Variants in CLIC2 observed in about 807,000 individuals in gnomAD.
The protein encoded by CLIC2 is chloride intracellular channel protein 2.
In CLIC2, 9 loss-of-function variants were observed where a neutral mutation model predicts 14.8. The observed-to-expected ratio is 0.61, with a 90% CI of 0.37 to 1.06. The LOEUF (loss-of-function observed/expected upper bound fraction) is 1.06. Among genes scored for constraint, CLIC2 ranks in the 50% least tolerant of loss-of-function variants. The pLI is 0.01. For missense variants in CLIC2, 148 were observed against 181.4 expected, an observed-to-expected ratio of 0.82 and a Z score of 1.06; for synonymous variants, 61 against 66.3, an observed-to-expected ratio of 0.92 and a Z score of 0.39.
At chrX:155,285,645 G>T (rs1316378766) in intron 3 of CLIC2, among the ~76,000 whole-genome samples, 2 of 111,095 alleles carry the variant, frequency 1.8e-5, no homozygotes, top group Non-Finnish European at 3.8e-5. Context: ...TATTAGATCT[G>T]TTGCCTGGAG....
intron 1 of CLIC2, among the ~76,000 whole-genome samples, chrX:155,322,193 C>T (rs145858078): frequency 0.026 from 2,928 of 110,886 alleles, 46 homozygotes; most frequent in South Asian, 0.042. Context: ...AACTCAGCTC[C>T]GGACCAAGCA....
chrX:155,294,063 A>G lies in CLIC2; in HGVS notation c.293+4722T>C, dbSNP rs190628372. 6.3e-3 allele frequency among the ~76,000 whole-genome samples: 710 copies of G among 112,162 alleles called. 3 individuals are homozygous for G. Among genetic ancestry groups the G allele is most frequent in the Non-Finnish European group, 8.7e-3 (461 of 53,158 alleles). On this transcript the variant is annotated intron_variant, in intron 3 of 5. Coordinates refer to ENST00000369449, the MANE Select transcript of CLIC2 (RefSeq NM_001289.6). The stretch of plus-strand genomic sequence containing the variant: ...AACTGGACTTTAGACCAAATGAACC[A>G]AACAGACATTTACAGAACATTCTAT...
At chrX:155,292,934 A>C (rs1215337100) in intron 3 of CLIC2, 5 of 1,072,770 alleles carry the variant, frequency 4.7e-6, no homozygotes, top group Non-Finnish European at 5.2e-6. Flanking sequence ...GGGCGAACAA[A>C]GGTCAGTTCT....
chrX:155,287,731 G>T (rs111901445), intron 3 of CLIC2, among the ~76,000 whole-genome samples: 5,189 of 112,008 alleles, frequency 0.046, 287 homozygotes, highest in African/African-American at 0.16. Flanking sequence ...GGCTATTCGG[G>T]CTCTTTTTTG....
intron 1 of CLIC2, among the ~76,000 whole-genome samples, chrX:155,306,185 T>C (rs2075054793): frequency 8.9e-6 from 1 of 111,855 alleles, no homozygotes; most frequent in African/African-American, 3.3e-5. Flanking sequence ...TGGTAGGAGG[T>C]GATTGGATCC....
At chrX:155,315,625 C>A (rs1455582409) in intron 1 of CLIC2, among the ~76,000 whole-genome samples, 1 of 111,139 alleles carries the variant, frequency 9.0e-6, no homozygotes, top group Admixed American at 9.6e-5. Flanking sequence ...AATTTTGAAA[C>A]AAATCCTTGA....
intron 3 of CLIC2, chrX:155,292,127 A>G: frequency 1.8e-6 from 1 of 567,661 alleles, no homozygotes; most frequent in East Asian, 3.3e-5. Flanking sequence ...ATAAAATTTG[A>G]TAGAGTACAA....
intron 1 of CLIC2, among the ~76,000 whole-genome samples, chrX:155,309,127 A>AT (rs1557320301): frequency 9.0e-6 from 1 of 111,085 alleles, no homozygotes; most frequent in African/African-American, 3.3e-5. Flanking sequence ...AGTAAAAAAA[A>AT]CCCTCTGTCT....
chrX:155,292,029 C>T (rs2074968405), intron 3 of CLIC2: 1 of 531,212 alleles, frequency 1.9e-6, no homozygotes, highest in Non-Finnish European at 3.5e-6. Flanking sequence ...CGGACCCAGG[C>T]ATCCAAAAAG....
rs1450703799 is a variant in CLIC2, at chrX:155,300,932, T to C, written c.58-1787A>G. On this transcript the variant is annotated intron_variant, in intron 1 of 5. Transcript: ENST00000369449. ...TGAGGGCTGTGTTCTGTTCCATTGA[T>C]CTATATCTCTGTTTTGGTACCAGTA... Among the ~76,000 whole-genome samples the C allele has an allele frequency of 2.2e-3, 164 of 73,327 alleles. 4 individuals are homozygous for C. Among genetic ancestry groups the C allele is most frequent in the African/African-American group, 6.6e-3 (159 of 24,181 alleles). 63.7% of individuals were successfully genotyped at this position (73,327 alleles called of 115,157 possible).
chrX:155,321,376 G>C (rs2124211589), intron 1 of CLIC2, among the ~76,000 whole-genome samples: 1 of 112,007 alleles, frequency 8.9e-6, no homozygotes, highest in Non-Finnish European at 1.9e-5. Context: ...TCTGCAGAAA[G>C]CCTACAAGCC....
intron 1 of CLIC2, among the ~76,000 whole-genome samples, chrX:155,333,771 A>C (rs782575983): frequency 2.0e-4 from 22 of 109,606 alleles, no homozygotes; most frequent in Non-Finnish European, 3.0e-4. Context: ...CAAAAAGAAG[A>C]AGCAGAGCAT....
chrX:155,296,612 A>G (rs1309490945), intron 3 of CLIC2, among the ~76,000 whole-genome samples: 2 of 111,554 alleles, frequency 1.8e-5, no homozygotes, highest in Non-Finnish European at 3.8e-5. Context: ...ACAGGGGACT[A>G]ATATCCAGAA....
At chrX:155,291,383 C>T (rs1239278051) in intron 3 of CLIC2, 5 of 619,409 alleles carry the variant, frequency 8.1e-6, no homozygotes, top group African/African-American at 4.4e-5. Context: ...GACGTGGCGG[C>T]GGCCACTAGC....
chrX:155,285,534 C>T (rs1355007324), intron 3 of CLIC2, among the ~76,000 whole-genome samples: 1 of 111,472 alleles, frequency 9.0e-6, no homozygotes, highest in Non-Finnish European at 1.9e-5. Flanking sequence ...ACTTATATAC[C>T]ACTACTTAGA....
chrX:155,323,896 C>A (rs1401629741), intron 1 of CLIC2, among the ~76,000 whole-genome samples: 1 of 111,433 alleles, frequency 9.0e-6, no homozygotes. Context: ...AAATAGAGAG[C>A]CAAATCATGA....
At chrX:155,297,391 T>C (rs782661272) in intron 3 of CLIC2, among the ~76,000 whole-genome samples, 1 of 110,523 alleles carries the variant, frequency 9.0e-6, no homozygotes, top group African/African-American at 3.3e-5. Flanking sequence ...ATAAATTCAA[T>C]GTTTGATAGA....
intron 1 of CLIC2, among the ~76,000 whole-genome samples, chrX:155,301,542 C>A (rs1403820702): frequency 9.9e-6 from 1 of 101,202 alleles, no homozygotes; most frequent in Non-Finnish European, 2.0e-5. Context: ...AATTTGACTT[C>A]CTCTTTTCCT....
chrX:155,304,732 T>C (rs1328717705), intron 1 of CLIC2, among the ~76,000 whole-genome samples: 1 of 93,674 alleles, frequency 1.1e-5, no homozygotes, highest in Non-Finnish European at 2.2e-5. Flanking sequence ...TGGTCTTTGA[T>C]GATGGTGATG....
Sources: allele counts gnomAD v4.1 joint callset (sites outside exome capture counted in the v4.1 genomes callset), GRCh38; gene constraint gnomAD v4.1.1; transcripts MANE v1.5; gene names NCBI Gene and HGNC (gene_info 2026-07-23, HGNC 2026-07-21).